LOC128462377: variants seen among roughly 807,000 people sequenced by gnomAD.
the LOC128462377 span, chr16:89,372,995 C>A: frequency 2.0e-5 from 3 of 152,246 alleles, no homozygotes; most frequent in East Asian, 5.8e-4. Context: ...GAGGAAGGCA[C>A]AGCACCCACA....
chr16:89,356,600 T>C, the LOC128462377 span, among the ~76,000 whole-genome samples: 2 of 140,560 alleles, frequency 1.4e-5, no homozygotes, highest in Admixed American at 7.1e-5. Context: ...TAAAACCCCA[T>C]CTCTACTAAA....
the LOC128462377 span, among the ~76,000 whole-genome samples, chr16:89,374,066 C>T: frequency 6.6e-6 from 1 of 152,204 alleles, no homozygotes; most frequent in South Asian, 2.1e-4. Context: ...AGTGTGAGGC[C>T]CGCAGAGAGG....
chr16:89,342,502 G>C, the LOC128462377 span, among the ~76,000 whole-genome samples: 9 of 152,226 alleles, frequency 5.9e-5, no homozygotes, highest in African/African-American at 1.9e-4. Context: ...GGCAGGGAGA[G>C]GCCAGCGTGA....
At chr16:89,325,597 G>A in the LOC128462377 span, among the ~76,000 whole-genome samples, 2 of 152,224 alleles carry the variant, frequency 1.3e-5, no homozygotes, top group African/African-American at 4.8e-5. Context: ...CAAGACATCC[G>A]CGAAGCGTGG....
the LOC128462377 span, among the ~76,000 whole-genome samples, chr16:89,348,953 C>T: frequency 2.0e-5 from 3 of 149,250 alleles, no homozygotes; most frequent in African/African-American, 4.9e-5. Context: ...CATGGTGAAG[C>T]CTCATTTCTA....
the LOC128462377 span, among the ~76,000 whole-genome samples, chr16:89,318,671 A>G: frequency 6.6e-6 from 1 of 152,218 alleles, no homozygotes; most frequent in African/African-American, 2.4e-5. Flanking sequence ...TGAGACCACA[A>G]GATGCTTCTC....
At chr16:89,323,217 GC>G in the LOC128462377 span, 1 of 974,156 alleles carries the variant, frequency 1.0e-6, no homozygotes, top group Non-Finnish European at 1.4e-6. Context: ...AACGGACTGA[GC>G]GGAGGAAAAA....
the LOC128462377 span, among the ~76,000 whole-genome samples, chr16:89,336,175 T>G: frequency 2.0e-5 from 3 of 152,344 alleles, no homozygotes; most frequent in East Asian, 1.9e-4. Flanking sequence ...CCAGGATACC[T>G]CTGGAGCTCA....
At chr16:89,331,569 T>A in the LOC128462377 span, among the ~76,000 whole-genome samples, 1 of 152,292 alleles carries the variant, frequency 6.6e-6, no homozygotes, top group African/African-American at 2.4e-5. Flanking sequence ...TACCGCTGGG[T>A]GTGTGGTGAC....
At chr16:89,410,156 C>T in the LOC128462377 span, among the ~76,000 whole-genome samples, 2 of 152,102 alleles carry the variant, frequency 1.3e-5, no homozygotes, top group African/African-American at 4.8e-5. Flanking sequence ...AAATTTAAAA[C>T]ACAGTTTGCT....
the LOC128462377 span, among the ~76,000 whole-genome samples, chr16:89,407,852 CAAA>C: frequency 0.54 from 60,054 of 110,826 alleles, 14,029 homozygotes; most frequent in Middle Eastern, 0.65. Flanking sequence ...TGTCTCCCTC[CAAA>C]AAAAAAAAAA....
the LOC128462377 span, among the ~76,000 whole-genome samples, chr16:89,384,879 C>CCTTTTTTTTTTTTTT: frequency 2.0e-5 from 1 of 49,910 alleles, no homozygotes; most frequent in African/African-American, 7.9e-5. Context: ...AAATAGTTTT[C>CCTTTTTTTTTTTTTT]TTTTTTTTTT....
At chr16:89,321,167 C>T in the LOC128462377 span, 1 of 152,412 alleles carries the variant, frequency 6.6e-6, no homozygotes, top group African/African-American at 2.4e-5. Context: ...GCAGCGAGCA[C>T]CAAAGAGCCT....
At chr16:89,408,337 G>A in the LOC128462377 span, among the ~76,000 whole-genome samples, 2 of 152,238 alleles carry the variant, frequency 1.3e-5, no homozygotes, top group African/African-American at 4.8e-5. Flanking sequence ...ACAAAGAGGC[G>A]TGAAGCTGGC....
the LOC128462377 span, among the ~76,000 whole-genome samples, chr16:89,401,920 G>A: frequency 4.5e-3 from 682 of 151,556 alleles, 5 homozygotes; most frequent in African/African-American, 0.015. Flanking sequence ...AGAACCTGGA[G>A]AGAGGCCTGG....
the LOC128462377 span, among the ~76,000 whole-genome samples, chr16:89,365,432 A>G: frequency 6.6e-6 from 1 of 152,218 alleles, no homozygotes; most frequent in African/African-American, 2.4e-5. Flanking sequence ...GAGCCCAACC[A>G]GGGTGCAGGG....
the LOC128462377 span, among the ~76,000 whole-genome samples, chr16:89,380,269 C>T: frequency 1.3e-5 from 2 of 152,120 alleles, no homozygotes; most frequent in Admixed American, 1.3e-4. Context: ...TGTGCCACGA[C>T]GCCTGGCTAA....
chr16:89,322,584 C>T, the LOC128462377 span, among the ~76,000 whole-genome samples: 9 of 152,162 alleles, frequency 5.9e-5, no homozygotes, highest in Admixed American at 5.2e-4. Flanking sequence ...CTCCCAGAAC[C>T]TTCAATCCCA....
chr16:89,354,710 C>T, the LOC128462377 span, among the ~76,000 whole-genome samples: 4 of 152,168 alleles, frequency 2.6e-5, no homozygotes, highest in Admixed American at 6.5e-5. Context: ...GGTGAAACCA[C>T]GTCTCTACTA....
Sources: gnomAD v4.1 joint callset for allele counts (sites outside exome capture counted in the v4.1 genomes callset) on GRCh38, gnomAD v4.1.1 for gene constraint, MANE v1.5 for transcripts.